Variants in PIEZO2 observed in about 807,000 individuals in gnomAD.
PIEZO2 encodes piezo-type mechanosensitive ion channel component 2.
A neutral mutation model predicts 337.3 loss-of-function variants in PIEZO2; 172 were observed. The ratio of observed to expected loss-of-function variants is 0.51; its 90% CI spans 0.45 to 0.58. The LOEUF (loss-of-function observed/expected upper bound fraction) is 0.58, where lower values mean the gene tolerates loss of function less well. Among genes scored for constraint, PIEZO2 ranks in the 20% least tolerant of loss-of-function variants. The pLI is 0.00. For missense variants in PIEZO2, 3,028 were observed against 3,391.3 expected, an observed-to-expected ratio of 0.89 and a Z score of 2.66; for synonymous variants, 1,251 against 1,228.5, an observed-to-expected ratio of 1.02 and a Z score of -0.38.
chr18:10,970,377 G>A (rs184352839), intron 3 of PIEZO2, among the ~76,000 whole-genome samples: 29 of 152,324 alleles, frequency 1.9e-4, no homozygotes, highest in East Asian at 1.4e-3. Flanking sequence ...CTCTTCGCCC[G>A]TCTAGATGAG....
intron 47 of PIEZO2, among the ~76,000 whole-genome samples, chr18:10,694,077 T>C (rs1407439279): frequency 1.3e-5 from 2 of 152,188 alleles, no homozygotes; most frequent in Admixed American, 6.5e-5. Flanking sequence ...CAATCCTTTA[T>C]TTAGTTCTAC....
At chr18:10,990,750 T>C (rs1244827815) in intron 2 of PIEZO2, among the ~76,000 whole-genome samples, 1 of 141,640 alleles carries the variant, frequency 7.1e-6, no homozygotes, top group Non-Finnish European at 1.5e-5. Context: ...TTACATTATT[T>C]TTTTTTCTAA....
intron 30 of PIEZO2, 79 bp from the exon 31 acceptor site, chr18:10,744,310 G>T (rs2037340678): frequency 2.1e-6 from 2 of 947,912 alleles, no homozygotes; most frequent in South Asian, 1.4e-5. Flanking sequence ...TATTACTAAG[G>T]GTTAGAAAAC....
intron 47 of PIEZO2, among the ~76,000 whole-genome samples, chr18:10,692,422 C>T (rs28734026): frequency 0.08 from 12,230 of 152,070 alleles, 584 homozygotes; most frequent in African/African-American, 0.13. Context: ...TCTCTCTGTG[C>T]CATATTTTGG....
intron 1 of PIEZO2, among the ~76,000 whole-genome samples, chr18:11,087,385 C>T (rs1377117713): frequency 6.6e-6 from 1 of 152,202 alleles, no homozygotes; most frequent in Non-Finnish European, 1.5e-5. Flanking sequence ...TCTCTGCAGG[C>T]AGCATCCCCT....
intron 3 of PIEZO2, among the ~76,000 whole-genome samples, chr18:10,947,925 TA>T (rs1420133514): frequency 6.6e-6 from 1 of 151,980 alleles, no homozygotes; most frequent in Non-Finnish European, 1.5e-5. Context: ...GTGAATCATA[TA>T]AATCCAAAGA....
At chr18:10,887,456 CA>C (rs1227688870) in intron 4 of PIEZO2, among the ~76,000 whole-genome samples, 1 of 152,062 alleles carries the variant, frequency 6.6e-6, no homozygotes, top group Admixed American at 6.5e-5. Flanking sequence ...CCCTATGACC[CA>C]AACACCTCCC....
Position 10,752,722 on chromosome 18 carries a change from A to T in PIEZO2, c.4081T>A (p.Leu1361Met). 1 of 1,537,258 alleles carries T rather than the reference A, an allele frequency of 6.5e-7. No individual in the cohort carries two copies. The highest frequency in any genetic ancestry group is 8.7e-7 in the Non-Finnish European group (1 of 1,146,916). ...CGCAGGATGCTCTTGATGGGTTTCAACAGCAAATCGCCCCCAAAGAGCAGG... is the reference window on the plus strand; with the variant it reads ...CGCAGGATGCTCTTGATGGGTTTCATCAGCAAATCGCCCCCAAAGAGCAGG... ...YFLLFGGDLL[L>M]KPIKSILRYW... The change falls in exon 28 of 56, where the codon TTG becomes ATG. Residue 1361 changes from leucine to methionine, a missense_variant. Physicochemically the swap from Leu to Met is conservative, Grantham distance 15. Transcript: ENST00000674853.
intron 5 of PIEZO2, among the ~76,000 whole-genome samples, chr18:10,864,861 C>A (rs2041964892): frequency 6.6e-6 from 1 of 152,150 alleles, no homozygotes. Flanking sequence ...ATGAGAAGAG[C>A]ATCTGTGCAA....
rs410267 is a variant in PIEZO2, at chr18:10,945,078, A to T, written c.287-33850T>A. Among the ~76,000 whole-genome samples, 4 of 151,962 alleles carry T rather than the reference A, an allele frequency of 2.6e-5. No homozygotes were observed. The highest frequency in any genetic ancestry group is 1.3e-4 in the Admixed American group (2 of 15,276). On this transcript the variant is annotated intron_variant, in intron 3 of 55. Transcript: ENST00000674853. This position sits in a 1 kb window ranked among gnomAD's most constrained non-coding sequence, Gnocchi z 4.0. ...GAAAGAGTATTAGAGAATAGATTGC[A>T]GCACAGAAGAAGGGCCCCGGAGATC... is the stretch of plus-strand genomic sequence containing the variant.
chr18:10,997,804 A>C (rs765878204), intron 2 of PIEZO2, among the ~76,000 whole-genome samples: 1 of 152,024 alleles, frequency 6.6e-6, no homozygotes, highest in Non-Finnish European at 1.5e-5. Flanking sequence ...TATCATTTGC[A>C]TCATTAGAGT....
rs2035839761 is a variant in PIEZO2, at chr18:11,009,925, A to T, written c.161-30265T>A. ...AGGCCTCAGGAGAAACCAAGCCTCA[A>T]GACACCTTGATCTCAAATATCCAGC... On this transcript the variant is annotated intron_variant, in intron 2 of 55. Coordinates refer to ENST00000674853, the MANE Select transcript of PIEZO2 (RefSeq NM_001378183.1). The surrounding 1 kb of genome is among the most constrained non-coding windows in gnomAD (Gnocchi z 4.6). Among the ~76,000 whole-genome samples the T allele has an allele frequency of 6.6e-6, 1 of 152,208 alleles. No individual in the cohort carries two copies. Among genetic ancestry groups the T allele is most frequent in the African/African-American group, 2.4e-5 (1 of 41,462 alleles).
At chr18:11,133,456 T>C (rs527441777) in intron 1 of PIEZO2, among the ~76,000 whole-genome samples, 1 of 152,294 alleles carries the variant, frequency 6.6e-6, no homozygotes, top group East Asian at 1.9e-4. Context: ...TACAAAGAAT[T>C]GATCCTGGGT....
At position 10,911,038 on chromosome 18, in the gene PIEZO2, G is replaced by A. The variant is rs1213404166; in HGVS notation, c.329+148C>T. On this transcript the variant is annotated intron_variant, in intron 4 of 55. Coordinates refer to ENST00000674853, the MANE Select transcript of PIEZO2 (RefSeq NM_001378183.1). ...ATGCTCTACAAAGAAACTGAGGCTC[G>A]GAGGGGCAAAATGACGACTTGATCA... 1.4e-4 allele frequency: 56 copies of A among 398,996 alleles called. 5 individuals are homozygous for A. The highest frequency in any genetic ancestry group is 3.0e-4 in the African/African-American group (15 of 49,434). 24.7% of individuals were successfully genotyped at this position (398,996 alleles called of 1,614,324 possible). A position where few individuals can be genotyped will look rare whatever the true frequency, so the allele number is the denominator to read the frequency against.
intron 2 of PIEZO2, among the ~76,000 whole-genome samples, chr18:11,058,064 A>T (rs754968): frequency 6.6e-5 from 10 of 151,946 alleles, no homozygotes; most frequent in Admixed American, 4.6e-4. Context: ...TATGTTAAAG[A>T]CTGCCCCGGT....
chr18:10,959,260 T>C (rs1470232420), intron 3 of PIEZO2, among the ~76,000 whole-genome samples: 2 of 152,158 alleles, frequency 1.3e-5, no homozygotes, highest in African/African-American at 4.8e-5. Context: ...AAAGGTATAC[T>C]TCCCTGCAGC....
At chr18:11,086,785 TA>T (rs1428256793) in intron 1 of PIEZO2, among the ~76,000 whole-genome samples, 3 of 151,748 alleles carry the variant, frequency 2.0e-5, no homozygotes, top group Non-Finnish European at 4.4e-5. Context: ...GAAGAGGAGC[TA>T]AAAATGTCAT....
At chr18:10,998,361 C>CAT (rs972830937) in intron 2 of PIEZO2, among the ~76,000 whole-genome samples, 3 of 41,344 alleles carry the variant, frequency 7.3e-5, no homozygotes, top group African/African-American at 3.1e-4. Context: ...TACACATACA[C>CAT]ACACACACAC....
rs2039497212 is a variant in PIEZO2, at chr18:11,104,226, G to A, written c.65-38004C>T. Reference sequence around the variant, plus strand: ...TGGTCTATGTAACACTTGGAGCCCAGAATTTGGAGGCTTTTCACATACTCT... The same window carrying A: ...TGGTCTATGTAACACTTGGAGCCCAAAATTTGGAGGCTTTTCACATACTCT... On this transcript the variant is annotated intron_variant, in intron 1 of 55. Coordinates refer to ENST00000674853, the MANE Select transcript of PIEZO2 (RefSeq NM_001378183.1). This position sits in a 1 kb window ranked among gnomAD's most constrained non-coding sequence, Gnocchi z 4.6. Among the ~76,000 whole-genome samples, 1 of 152,162 alleles carries A rather than the reference G, an allele frequency of 6.6e-6. No homozygotes were observed. The highest frequency in any genetic ancestry group is 2.1e-4 in the South Asian group (1 of 4,834).
Sources: gnomAD v4.1 joint callset for allele counts (sites outside exome capture counted in the v4.1 genomes callset) on GRCh38, gnomAD v4.1.1 for gene constraint, Gnocchi (gnomAD v3.1) non-coding constraint, MANE v1.5 for transcripts, NCBI Gene and HGNC (gene_info 2026-07-23, HGNC 2026-07-21) for gene names.